Variants in HTR2C observed in about 807,000 individuals in gnomAD.
HTR2C encodes the protein 5-hydroxytryptamine receptor 2C, also known as 5-hydroxytryptamine (serotonin) receptor 2C, G protein-coupled.
In HTR2C, 5 loss-of-function variants were observed where a neutral mutation model predicts 21.0. The observed-to-expected ratio is 0.24, with a 90% CI of 0.12 to 0.50. The LOEUF (loss-of-function observed/expected upper bound fraction) is 0.50, where lower values mean the gene tolerates loss of function less well. Among genes scored for constraint, HTR2C ranks in the 20% least tolerant of loss-of-function variants. The pLI, the probability that HTR2C is intolerant of heterozygous loss-of-function variation, is 0.98. For synonymous variants in HTR2C, 150 were observed against 145.3 expected, an observed-to-expected ratio of 1.03 and a Z score of -0.23; for missense variants, 271 against 371.2, an observed-to-expected ratio of 0.73 and a Z score of 2.22.
At chrX:114,862,368 G>A (rs945814226) in intron 5 of HTR2C, among the ~76,000 whole-genome samples, 5 of 110,174 alleles carry the variant, frequency 4.5e-5, no homozygotes, top group South Asian at 7.5e-4. Context: ...TGGACCATAC[G>A]ATATTGATTA....
intron 2 of HTR2C, among the ~76,000 whole-genome samples, chrX:114,705,281 G>A (rs1932737312): frequency 9.0e-6 from 1 of 111,400 alleles, no homozygotes; most frequent in South Asian, 3.8e-4. Flanking sequence ...CAAAGCTGGA[G>A]GCATCACACT....
intron 4 of HTR2C, among the ~76,000 whole-genome samples, chrX:114,836,444 A>G (rs188050809): frequency 8.9e-6 from 1 of 112,554 alleles, no homozygotes; most frequent in Non-Finnish European, 1.9e-5. Context: ...AAAGCGCAGT[A>G]TTCGGGTGAG....
chrX:114,710,658 T>G (rs1932878171), intron 2 of HTR2C, among the ~76,000 whole-genome samples: 2 of 111,758 alleles, frequency 1.8e-5, no homozygotes, highest in African/African-American at 6.5e-5. Flanking sequence ...GTATCTGTTT[T>G]TAATAGTTTT....
chrX:114,835,018 A>C (rs1159781904), intron 4 of HTR2C, among the ~76,000 whole-genome samples: 13 of 93,996 alleles, frequency 1.4e-4, no homozygotes, highest in African/African-American at 4.8e-4. Flanking sequence ...TTCTTTAAGA[A>C]TGTTGAATAT....
chrX:114,722,864 C>G (rs1933281319), intron 2 of HTR2C, among the ~76,000 whole-genome samples: 1 of 108,005 alleles, frequency 9.3e-6, no homozygotes, highest in African/African-American at 3.3e-5. Flanking sequence ...AGGGATGAAG[C>G]CCACTTGATC....
chrX:114,851,641 A>G (rs1322328058), intron 5 of HTR2C, among the ~76,000 whole-genome samples: 2 of 111,726 alleles, frequency 1.8e-5, no homozygotes, highest in Non-Finnish European at 3.8e-5. Context: ...TCAGTGTAAT[A>G]TATATGATTC....
At chrX:114,608,460 C>G (rs1157014011) in intron 1 of HTR2C, among the ~76,000 whole-genome samples, 1 of 111,408 alleles carries the variant, frequency 9.0e-6, no homozygotes, top group East Asian at 2.8e-4. Flanking sequence ...CTTTTTATCT[C>G]TGTAGATTTG....
chrX:114,758,276 A>T (rs1380175218), intron 4 of HTR2C, among the ~76,000 whole-genome samples: 1 of 111,698 alleles, frequency 9.0e-6, no homozygotes, highest in Admixed American at 9.6e-5. Flanking sequence ...GGTGTTTGTT[A>T]TCTGGCTGGG....
intron 4 of HTR2C, among the ~76,000 whole-genome samples, chrX:114,803,814 A>G (rs782586950): frequency 2.4e-3 from 268 of 111,346 alleles, no homozygotes; most frequent in African/African-American, 7.8e-3. Context: ...GCCCATGCCT[A>G]TGTCCTGAAT....
In HTR2C at chrX:114,772,689, A is replaced by G. The variant is rs782088940; in HGVS notation, c.349+41082A>G. ...TAATTCCAGGTTAGCCTAGGGCCCA[A>G]GAGATGAAGCAAAAGCTGAAACTGG... On this transcript the variant is annotated intron_variant, in intron 4 of 5. Transcript: ENST00000276198. 1.2e-4 allele frequency among the ~76,000 whole-genome samples: 13 copies of G among 111,505 alleles called. 1 individual carries two copies. In the South Asian group the frequency reaches 1.5e-3, roughly 13 times the overall value.
At chrX:114,710,896 G>A (rs1453177258) in intron 2 of HTR2C, among the ~76,000 whole-genome samples, 1 of 111,355 alleles carries the variant, frequency 9.0e-6, no homozygotes, top group Non-Finnish European at 1.9e-5. Context: ...TAATGACTAC[G>A]TTTCCACAAA....
At chrX:114,646,128 A>G (rs192401033) in intron 2 of HTR2C, among the ~76,000 whole-genome samples, 1,719 of 112,216 alleles carry the variant, frequency 0.015, 21 homozygotes, top group Non-Finnish European at 0.025. Flanking sequence ...ATCAATTCAG[A>G]TAAATACTTT....
intron 1 of HTR2C, among the ~76,000 whole-genome samples, chrX:114,606,263 C>A (rs1382167543): frequency 1.8e-5 from 2 of 110,221 alleles, no homozygotes; most frequent in Non-Finnish European, 3.8e-5. Context: ...GGGGTACTTG[C>A]CCCTCTCCCA....
chrX:114,811,783 A>G (rs1467056412), intron 4 of HTR2C, among the ~76,000 whole-genome samples: 3 of 112,168 alleles, frequency 2.7e-5, no homozygotes, highest in African/African-American at 9.7e-5. Flanking sequence ...CTGATGAGCT[A>G]CTATCTGTTC....
chrX:114,873,412 C>T (rs1374950687), intron 5 of HTR2C, among the ~76,000 whole-genome samples: 2 of 111,064 alleles, frequency 1.8e-5, no homozygotes, highest in African/African-American at 6.5e-5. Flanking sequence ...TCATATCTTA[C>T]AGTTTTTAAT....
At chrX:114,877,887 C>T (rs1385339120) in intron 5 of HTR2C, among the ~76,000 whole-genome samples, 1 of 110,460 alleles carries the variant, frequency 9.1e-6, no homozygotes, top group Non-Finnish European at 1.9e-5. Context: ...ATGCTCTATC[C>T]TGGATAATGT....
At chrX:114,755,763 A>G (rs2069806413) in intron 4 of HTR2C, among the ~76,000 whole-genome samples, 1 of 111,520 alleles carries the variant, frequency 9.0e-6, no homozygotes, top group Admixed American at 9.6e-5. Context: ...GATAATGAGC[A>G]AAAGACCAAA....
At chrX:114,741,524 TAAAAAAAAAAAAAA>T (rs782206973) in intron 4 of HTR2C, among the ~76,000 whole-genome samples, 2 of 4,901 alleles carry the variant, frequency 4.1e-4, no homozygotes, top group African/African-American at 8.4e-4. Flanking sequence ...CGACTCCGTC[TAAAAAAAAAAAAAA>T]AAAAAAAAAA....
At chrX:114,814,357 A>G (rs1378949314) in intron 4 of HTR2C, among the ~76,000 whole-genome samples, 2 of 110,884 alleles carry the variant, frequency 1.8e-5, no homozygotes, top group African/African-American at 6.5e-5. Context: ...GCTACAGAAC[A>G]TAATCTATTA....
Sources: gnomAD v4.1 joint callset for allele counts (sites outside exome capture counted in the v4.1 genomes callset) on GRCh38, gnomAD v4.1.1 for gene constraint, MANE v1.5 for transcripts, NCBI Gene and HGNC (gene_info 2026-07-23, HGNC 2026-07-21) for gene names.